Variants in TTLL1 observed in about 807,000 individuals in gnomAD.
TTLL1 encodes TTL family tubulin polyglutamylase complex subunit L1.
A neutral mutation model predicts 47.8 loss-of-function variants in TTLL1; 33 were observed. The observed-to-expected ratio is 0.69, with a 90% CI of 0.52 to 0.92. TTLL1 has a LOEUF of 0.92. Among genes scored for constraint, TTLL1 ranks in the 40% least tolerant of loss-of-function variants. The probability of loss-of-function intolerance (pLI) is 0.00; values close to 1 mark genes in which losing one functional copy is unlikely to be tolerated. For synonymous variants in TTLL1, 225 were observed against 214.1 expected (o/e 1.05, Z -0.45); for missense variants, 488 against 547.5 (o/e 0.89, Z 1.08).
At chr22:43,084,128 T>C (rs898262672) in intron 1 of TTLL1, among the ~76,000 whole-genome samples, 3 of 152,140 alleles carry the variant, frequency 2.0e-5, no homozygotes, top group African/African-American at 4.8e-5. Context: ...ACAGAGTTCC[T>C]GTCTTCTGAA....
intron 8 of TTLL1, 141 bp downstream of exon 8, chr22:43,059,243 C>T: frequency 8.1e-7 from 1 of 1,234,744 alleles, no homozygotes; most frequent in East Asian, 2.6e-5. Context: ...ATCCGCCCGC[C>T]TCGGCCTCCC....
At chr22:43,042,324 G>T (rs571340739) in intron 10 of TTLL1, among the ~76,000 whole-genome samples, 25 of 152,334 alleles carry the variant, frequency 1.6e-4, no homozygotes, top group African/African-American at 5.8e-4. Context: ...GCTGGCACCG[G>T]GATGCGCTGT....
At chr22:43,069,459 A>T in intron 4 of TTLL1, 177 bp downstream of exon 4, 1 of 1,124,580 alleles carries the variant, frequency 8.9e-7, no homozygotes, top group Non-Finnish European at 1.2e-6. Context: ...AGGATGCCAC[A>T]CTCAGGCCCC....
intron 6 of TTLL1, 99 bp downstream of exon 6, chr22:43,064,091 A>G (rs1601681114): frequency 9.7e-6 from 15 of 1,549,976 alleles, no homozygotes; most frequent in Non-Finnish European, 1.3e-5. Context: ...CAGGCACCGC[A>G]CATGCACTGT....
chr22:43,083,420 C>G (rs995402595), intron 1 of TTLL1, among the ~76,000 whole-genome samples: 6 of 151,982 alleles, frequency 3.9e-5, no homozygotes, highest in African/African-American at 1.4e-4. Flanking sequence ...AAAATTTTAT[C>G]ACCCACCAAT....
intron 8 of TTLL1, among the ~76,000 whole-genome samples, chr22:43,057,632 C>CT (rs1306200761): frequency 1.3e-5 from 2 of 152,090 alleles, no homozygotes; most frequent in Non-Finnish European, 2.9e-5. Flanking sequence ...TCTGGGCCCA[C>CT]ATCTGAGTAG....
chr22:43,061,134 G>A (rs1927363060), intron 7 of TTLL1, among the ~76,000 whole-genome samples: 1 of 152,154 alleles, frequency 6.6e-6, no homozygotes, highest in African/African-American at 2.4e-5. Flanking sequence ...AGGTTGCAGT[G>A]AGCCGAGATC....
At chr22:43,088,596 G>A (rs1929406129) in intron 1 of TTLL1, among the ~76,000 whole-genome samples, 1 of 151,600 alleles carries the variant, frequency 6.6e-6, no homozygotes. Flanking sequence ...TCCCGCCTCG[G>A]CCTCCCAAAG....
At chr22:43,063,057 T>C (rs573522293) in intron 7 of TTLL1, among the ~76,000 whole-genome samples, 3 of 152,306 alleles carry the variant, frequency 2.0e-5, no homozygotes, top group South Asian at 4.1e-4. Context: ...TCCTACTGAA[T>C]GCATGTCACT....
chr22:43,088,000 T>G (rs1414218080), intron 1 of TTLL1, among the ~76,000 whole-genome samples: 2 of 150,210 alleles, frequency 1.3e-5, no homozygotes, highest in Non-Finnish European at 3.0e-5. Context: ...TTTAAAAAAT[T>G]AGCGGGGCAT....
intron 9 of TTLL1, among the ~76,000 whole-genome samples, chr22:43,051,269 G>A (rs1443699255): frequency 6.6e-6 from 1 of 152,256 alleles, no homozygotes; most frequent in African/African-American, 2.4e-5. Context: ...CACCAGCCAG[G>A]CTTGGTGTCA....
rs1454525602 is a variant in TTLL1, at chr22:43,051,190, G to A, written c.978+611C>T. Among the ~76,000 whole-genome samples, 3 of 152,352 alleles carry A rather than the reference G, an allele frequency of 2.0e-5. No individual in the cohort carries two copies. In the East Asian group the frequency reaches 5.8e-4, roughly 29 times the overall value. On this transcript the variant is annotated intron_variant, in intron 9 of 10. Transcript: ENST00000266254. ...CTCCTCCTCCTGGCTCCAGAGCAACGGTTGGGCAAGGTGGGTTTGAAGCTG... is the reference window on the plus strand; with the variant it reads ...CTCCTCCTCCTGGCTCCAGAGCAACAGTTGGGCAAGGTGGGTTTGAAGCTG...
intron 1 of TTLL1, among the ~76,000 whole-genome samples, chr22:43,081,427 GGTTAA>G (rs1442696233): frequency 4.6e-5 from 7 of 152,084 alleles, no homozygotes; most frequent in African/African-American, 1.2e-4. Flanking sequence ...ATGTGTTACG[GGTTAA>G]GTTGTGTCCC....
chr22:43,084,764 G>A (rs1459374877), intron 1 of TTLL1, among the ~76,000 whole-genome samples: 1 of 151,834 alleles, frequency 6.6e-6, no homozygotes, highest in Non-Finnish European at 1.5e-5. Context: ...GCCTCCCAAA[G>A]TGCTGGGATT....
At chr22:43,070,640 T>C (rs756572183) in intron 3 of TTLL1, among the ~76,000 whole-genome samples, 18 of 152,214 alleles carry the variant, frequency 1.2e-4, no homozygotes, top group African/African-American at 2.4e-4. Flanking sequence ...CTTTTTATTA[T>C]GGAAAACCTC....
At chr22:43,067,067 C>T (rs1927785609) in intron 5 of TTLL1, among the ~76,000 whole-genome samples, 1 of 152,120 alleles carries the variant, frequency 6.6e-6, no homozygotes, top group Non-Finnish European at 1.5e-5. Context: ...ACAAGTGAGT[C>T]ATCTCCCCAC....
chr22:43,059,012 C>CA (rs1601674262), intron 8 of TTLL1, among the ~76,000 whole-genome samples: 1 of 144,514 alleles, frequency 6.9e-6, no homozygotes, highest in East Asian at 2.1e-4. Context: ...TTTTTTGAGA[C>CA]AGAGTCTTGC....
chr22:43,041,481 G>A (rs1318114823), intron 10 of TTLL1, among the ~76,000 whole-genome samples: 1 of 151,454 alleles, frequency 6.6e-6, no homozygotes. Flanking sequence ...TGTGCTTCTG[G>A]TGGCAAACTG....
In TTLL1 at chr22:43,049,052, C is replaced by T. The variant is rs539497146; in HGVS notation, c.979-2479G>A. ...AATACTATGTTCACTATTTGGGTGA[C>T]GGGCTCAAGAGAAGCCCAAAGCCCA... is the stretch of plus-strand genomic sequence containing the variant. On this transcript the variant is annotated intron_variant, in intron 9 of 10. Coordinates refer to ENST00000266254, the MANE Select transcript of TTLL1 (RefSeq NM_012263.5). Among the ~76,000 whole-genome samples, 31 of 151,736 alleles carry T rather than the reference C, an allele frequency of 2.0e-4. 1 individual carries two copies. The South Asian group carries it at 5.4e-3, about 26-fold the overall frequency.
Sources: allele counts gnomAD v4.1 joint callset (sites outside exome capture counted in the v4.1 genomes callset), GRCh38; gene constraint gnomAD v4.1.1; transcripts MANE v1.5; gene names NCBI Gene and HGNC (gene_info 2026-07-23, HGNC 2026-07-21).